TMEM132B: variants seen among roughly 807,000 people sequenced by gnomAD.
The protein encoded by TMEM132B is transmembrane protein 132B.
In TMEM132B, 18 loss-of-function variants were observed where a neutral mutation model predicts 90.8. That is an observed-to-expected ratio of 0.20 (90% confidence interval 0.14 to 0.29). TMEM132B has a LOEUF of 0.29. TMEM132B is among the 10% of genes least tolerant of loss of function. TMEM132B has a pLI of 1.00. For missense variants in TMEM132B, 1,096 were observed against 1,326.8 expected (o/e 0.83, Z 2.70); for synonymous variants, 504 against 523.3 (o/e 0.96, Z 0.50).
At chr12:125,494,190 C>G (rs191900090) in intron 3 of TMEM132B, among the ~76,000 whole-genome samples, 21 of 133,912 alleles carry the variant, frequency 1.6e-4, no homozygotes, top group Admixed American at 4.4e-4. Flanking sequence ...TCCTCCCCCT[C>G]CTCCCTGGAA....
rs534301760 is a variant in TMEM132B at position 125,545,694 on chromosome 12, C to T, written c.1293+26069C>T. On this transcript the variant is annotated intron_variant, in intron 4 of 8. Transcript: ENST00000682704. ...GAACGTTTGAAGGAGCTTCCAGCTG[C>T]CATCTTGCCACCATGAAGGGAGAGG... 5.3e-5 allele frequency among the ~76,000 whole-genome samples: 8 copies of T among 152,140 alleles called. No individual in the cohort carries two copies. The South Asian group carries it at 1.7e-3, about 32-fold the overall frequency.
At chr12:125,639,196 A>C (rs1315212900) in intron 5 of TMEM132B, among the ~76,000 whole-genome samples, 1 of 152,204 alleles carries the variant, frequency 6.6e-6, no homozygotes, top group Non-Finnish European at 1.5e-5. Flanking sequence ...TGTACCTCAC[A>C]CATAGAGATC....
At chr12:125,551,198 C>A (rs34623338) in intron 4 of TMEM132B, among the ~76,000 whole-genome samples, 11,107 of 152,266 alleles carry the variant, frequency 0.073, 549 homozygotes, top group South Asian at 0.15. Flanking sequence ...AATAGCTTTT[C>A]GGTATATATT....
chr12:125,644,908 T>C (rs1386055030), intron 6 of TMEM132B, among the ~76,000 whole-genome samples: 9 of 152,128 alleles, frequency 5.9e-5, no homozygotes, highest in Non-Finnish European at 7.3e-5. Context: ...TCCCCAGAAC[T>C]CAGTGAATGG....
intron 3 of TMEM132B, among the ~76,000 whole-genome samples, chr12:125,516,956 TG>T (rs1678998802): frequency 6.6e-6 from 1 of 152,178 alleles, no homozygotes; most frequent in Non-Finnish European, 1.5e-5. Flanking sequence ...GGCTGGAATA[TG>T]GTTGATGGGA....
intron 2 of TMEM132B, among the ~76,000 whole-genome samples, chr12:125,371,204 C>T (rs764051740): frequency 1.4e-4 from 22 of 152,202 alleles, no homozygotes; most frequent in Non-Finnish European, 2.9e-4. Context: ...TCTAGCCACA[C>T]TGGCAGCTGA....
rs184048389 is a variant in TMEM132B at position 125,454,756 on chromosome 12, G to A, written c.1106+39079G>A. ...ATCTGAGGACTTTCCTAGTTCATTG[G>A]CTGTTTTTCTCTTTAACAAGTGGAT... is the stretch of plus-strand genomic sequence containing the variant. On this transcript the variant is annotated intron_variant, in intron 3 of 8. Coordinates refer to ENST00000682704, the MANE Select transcript of TMEM132B (RefSeq NM_001366854.1). 1.2e-4 allele frequency among the ~76,000 whole-genome samples: 19 copies of A among 152,204 alleles called. No homozygotes were observed. In the East Asian group the frequency reaches 3.5e-3, roughly 28 times the overall value.
intron 4 of TMEM132B, among the ~76,000 whole-genome samples, chr12:125,569,143 C>T (rs1884731798): frequency 1.3e-5 from 2 of 152,048 alleles, no homozygotes; most frequent in South Asian, 2.1e-4. Context: ...TGCTCATGTC[C>T]GTTGCCTGCT....
intron 5 of TMEM132B, among the ~76,000 whole-genome samples, chr12:125,600,486 T>C (rs1273047264): frequency 6.6e-6 from 1 of 152,196 alleles, no homozygotes; most frequent in Non-Finnish European, 1.5e-5. Context: ...TCTCTCACAG[T>C]AGAAAGTGAG....
Position 125,514,022 on chromosome 12 carries a change from G to T in TMEM132B, c.1107-5417G>T, listed in dbSNP as rs540967870. ...AGTGAATAATGTGCCAGGAACTGCA[G>T]TGACTATGGTGTTATAATAGGTTTT... On this transcript the variant is annotated intron_variant, in intron 3 of 8. Transcript: ENST00000682704. Among the ~76,000 whole-genome samples, 4 of 152,266 alleles carry T rather than the reference G, an allele frequency of 2.6e-5. No homozygotes were observed. In the South Asian group the frequency reaches 8.3e-4, roughly 32 times the overall value.
intron 3 of TMEM132B, among the ~76,000 whole-genome samples, chr12:125,457,873 T>G (rs766705348): frequency 6.6e-6 from 1 of 152,000 alleles, no homozygotes; most frequent in Non-Finnish European, 1.5e-5. Flanking sequence ...CAGGTGAGTG[T>G]GATGGGAGCA....
chr12:125,328,490 C>T (rs1032421299), intron 1 of TMEM132B, among the ~76,000 whole-genome samples: 1 of 152,212 alleles, frequency 6.6e-6, no homozygotes, highest in Non-Finnish European at 1.5e-5. Flanking sequence ...GTTGGCAGAG[C>T]CACACTTGCT....
chr12:125,449,083 C>G (rs1881082546), intron 3 of TMEM132B, among the ~76,000 whole-genome samples: 1 of 151,364 alleles, frequency 6.6e-6, no homozygotes, highest in African/African-American at 2.4e-5. Context: ...TCTTCTGCCT[C>G]AGCCTCCTGA....
chr12:125,482,540 A>G (rs1002701678), intron 3 of TMEM132B, among the ~76,000 whole-genome samples: 2 of 152,232 alleles, frequency 1.3e-5, no homozygotes, highest in African/African-American at 2.4e-5. Flanking sequence ...CAAAACCACA[A>G]TGAGATACCA....
rs78972436 is a variant in TMEM132B at position 125,408,696 on chromosome 12, T to C, written c.960-6835T>C. 3.8e-3 allele frequency among the ~76,000 whole-genome samples: 581 copies of C among 152,340 alleles called. 5 individuals are homozygous for C. The highest frequency in any genetic ancestry group is 0.013 in the African/African-American group (559 of 41,582). ...CGTGCACCTTCTTGTATGTGTGTCT[T>C]GGGGAACAGGTGCATGTGTTTCTGT... On this transcript the variant is annotated intron_variant, in intron 2 of 8. Transcript: ENST00000682704. This position sits in a 1 kb window ranked among gnomAD's most constrained non-coding sequence, Gnocchi z 5.9.
At chr12:125,482,610 G>A (rs1435804923) in intron 3 of TMEM132B, among the ~76,000 whole-genome samples, 1 of 152,214 alleles carries the variant, frequency 6.6e-6, no homozygotes, top group Non-Finnish European at 1.5e-5. Context: ...TGCTGGAGAG[G>A]ATGTGGAGAA....
At chr12:125,485,937 C>T (rs1324751738) in intron 3 of TMEM132B, among the ~76,000 whole-genome samples, 1 of 152,138 alleles carries the variant, frequency 6.6e-6, no homozygotes, top group Non-Finnish European at 1.5e-5. Context: ...CTACAGAATC[C>T]ACTTACCGTG....
chr12:125,426,625 T>C (rs1246003128), intron 3 of TMEM132B, among the ~76,000 whole-genome samples: 12 of 152,220 alleles, frequency 7.9e-5, no homozygotes, highest in African/African-American at 2.9e-4. Context: ...AGCTCATTCC[T>C]GGAATGTCTG....
Position 125,653,549 on chromosome 12 carries a change from G to C in TMEM132B, c.2107-16G>C. The stretch of plus-strand genomic sequence containing the variant: ...AATCTGATTATAACATAATGCTTTG[G>C]TTTCATTTTCCTCAGGAAGCAATAG... On this transcript the variant is annotated splice_polypyrimidine_tract_variant and intron_variant, in intron 8 of 8. Transcript: ENST00000682704. 1 of 1,592,152 alleles carries C rather than the reference G, an allele frequency of 6.3e-7. No individual in the cohort carries two copies. Among genetic ancestry groups the C allele is most frequent in the Non-Finnish European group, 8.6e-7 (1 of 1,165,572 alleles).
Sources: gnomAD v4.1 joint callset for allele counts (sites outside exome capture counted in the v4.1 genomes callset) on GRCh38, gnomAD v4.1.1 for gene constraint, Gnocchi (gnomAD v3.1) non-coding constraint, MANE v1.5 for transcripts, NCBI Gene and HGNC (gene_info 2026-07-23, HGNC 2026-07-21) for gene names.